Variants in COA1 observed in about 807,000 individuals in gnomAD.
The protein encoded by COA1 is cytochrome c oxidase assembly factor 1, also known as cytochrome c oxidase assembly factor 1 homolog.
A neutral mutation model predicts 16.0 loss-of-function variants in COA1; 13 were observed. The observed-to-expected ratio is 0.81, with a 90% confidence interval of 0.53 to 1.29. COA1 has a LOEUF of 1.29. COA1 is among the 50% of genes most tolerant of loss of function. The pLI is 0.00. For missense variants in COA1, 179 were observed against 177.0 expected, an observed-to-expected ratio of 1.01 and a Z score of -0.06; for synonymous variants, 65 against 65.7, an observed-to-expected ratio of 0.99 and a Z score of 0.05.
At chr7:43,692,229 C>T in intron 1 of COA1, among the ~76,000 whole-genome samples, 1 of 152,158 alleles carries the variant, frequency 6.6e-6, no homozygotes, top group African/African-American at 2.4e-5. Context: ...AAAAATCAAA[C>T]TTTCCTGGGC....
chr7:43,691,421 A>AGG (rs1554542662), intron 1 of COA1, among the ~76,000 whole-genome samples: 1 of 87,460 alleles, frequency 1.1e-5, no homozygotes, highest in African/African-American at 4.8e-5. Context: ...GGAAGAAAGA[A>AGG]AAAGAAAGAA....
intron 5 of COA1, among the ~76,000 whole-genome samples, 163 bp from the exon 6 acceptor site, chr7:43,639,844 C>T (rs1406166574): frequency 2.0e-5 from 3 of 152,180 alleles, no homozygotes; most frequent in African/African-American, 7.2e-5. Flanking sequence ...TAACATTCTA[C>T]CATGGGCTCT....
At chr7:43,644,743 T>C (rs548082896) in intron 4 of COA1, among the ~76,000 whole-genome samples, 10,927 of 123,200 alleles carry the variant, frequency 0.089, 979 homozygotes, top group Non-Finnish European at 0.13. Context: ...GATAGATAGA[T>C]AGATAGATAG....
chr7:43,612,844 A>T (rs558839007), intron 6 of COA1, among the ~76,000 whole-genome samples: 1 of 152,118 alleles, frequency 6.6e-6, no homozygotes, highest in African/African-American at 2.4e-5. Flanking sequence ...CAGATTTAGG[A>T]GTCTGTAAAA....
At chr7:43,722,596 T>C (rs983738730) in intron 1 of COA1, among the ~76,000 whole-genome samples, 2 of 151,686 alleles carry the variant, frequency 1.3e-5, no homozygotes, top group African/African-American at 4.8e-5. Flanking sequence ...AGAGACGGGG[T>C]TTCACCATGT....
intron 6 of COA1, chr7:43,622,568 GTT>G (rs1294658873): frequency 1.8e-5 from 2 of 111,236 alleles, no homozygotes; most frequent in Non-Finnish European, 4.8e-5. Flanking sequence ...AAAATCTTTA[GTT>G]AAGTGGATTG....
intron 1 of COA1, among the ~76,000 whole-genome samples, chr7:43,710,804 C>CA (rs2095220735): frequency 2.0e-5 from 3 of 152,088 alleles, no homozygotes; most frequent in Non-Finnish European, 4.4e-5. Context: ...AAGCCCTTTC[C>CA]AAAACACCAC....
chr7:43,700,433 A>G (rs1483599525), intron 1 of COA1, among the ~76,000 whole-genome samples: 1 of 151,888 alleles, frequency 6.6e-6, no homozygotes, highest in Non-Finnish European at 1.5e-5. Flanking sequence ...CTAGACCCAT[A>G]TTCTGACTCA....
chr7:43,689,198 A>C (rs2094168102), intron 1 of COA1, among the ~76,000 whole-genome samples: 1 of 152,262 alleles, frequency 6.6e-6, no homozygotes, highest in African/African-American at 2.4e-5. Flanking sequence ...ACAGAAACTC[A>C]GGAACAATAC....
At chr7:43,684,335 G>A (rs528273800) in intron 1 of COA1, among the ~76,000 whole-genome samples, 3 of 152,176 alleles carry the variant, frequency 2.0e-5, no homozygotes, top group Non-Finnish European at 4.4e-5. Context: ...GGGAGTGGGT[G>A]AATGGGATTG....
intron 1 of COA1, among the ~76,000 whole-genome samples, chr7:43,715,476 T>A (rs1390789844): frequency 3.4e-5 from 5 of 146,196 alleles, no homozygotes; most frequent in African/African-American, 1.0e-4. Context: ...AGACTCTATC[T>A]CAAAAAAAAA....
At chr7:43,614,340 C>CT (rs553197579) in intron 6 of COA1, among the ~76,000 whole-genome samples, 2 of 152,198 alleles carry the variant, frequency 1.3e-5, no homozygotes, top group South Asian at 4.1e-4. Context: ...CTTTCTCTCC[C>CT]TTACTACCTG....
At chr7:43,657,387 T>G (rs2091880440) in intron 1 of COA1, 1 of 152,258 alleles carries the variant, frequency 6.6e-6, no homozygotes, top group South Asian at 2.1e-4. Flanking sequence ...TTATCCCTAA[T>G]TTTGAAAATT....
chr7:43,676,011 T>C (rs1584842556), intron 1 of COA1, among the ~76,000 whole-genome samples: 1 of 152,190 alleles, frequency 6.6e-6, no homozygotes, highest in South Asian at 2.1e-4. Context: ...CTGCTTCTTA[T>C]TCTCACTTAT....
At chr7:43,652,174 C>T (rs988340112) in intron 1 of COA1, among the ~76,000 whole-genome samples, 8 of 152,168 alleles carry the variant, frequency 5.3e-5, no homozygotes, top group African/African-American at 1.9e-4. Context: ...ATTACAGGTA[C>T]CTGAAGCAGG....
In COA1 at chr7:43,639,587, C is replaced by A. The variant is rs138770666; in HGVS notation, c.436G>T (p.Glu146Ter). The change falls in exon 6 of 6, where the codon GAG (glutamate) becomes TAG (stop). Residue 146 changes from glutamate (E) to a stop codon, truncating the protein, a stop_gained. Coordinates refer to ENST00000223336, the MANE Select transcript of COA1 (RefSeq NM_018224.4). LOFTEE classifies it high-confidence loss of function. ...CTGGGTCTTCTGGGTCGTCTCTACT[C>A]CTTTTTCACTTCATCACCGTTTTCC... is the stretch of plus-strand genomic sequence containing the variant. Reference protein sequence around the residue: ...SGENGDEVKKE With the variant: ...SGENGDEVKK The A allele has an allele frequency of 3.7e-6, 6 of 1,613,514 alleles. No individual in the cohort carries two copies. Among genetic ancestry groups the A allele is most frequent in the Non-Finnish European group, 5.1e-6 (6 of 1,179,580 alleles).
intron 1 of COA1, among the ~76,000 whole-genome samples, chr7:43,676,908 G>A (rs1244476866): frequency 6.6e-6 from 1 of 151,840 alleles, no homozygotes; most frequent in Non-Finnish European, 1.5e-5. Context: ...TAAGAATTGT[G>A]TAAGAAAGCT....
downstream of COA1, among the ~76,000 whole-genome samples, chr7:43,637,448 C>CTCTT (rs1170186387): frequency 5.3e-5 from 8 of 152,206 alleles, no homozygotes; most frequent in Non-Finnish European, 1.0e-4. Flanking sequence ...GCTATCCTGT[C>CTCTT]TCTTTATGGG....
intron 1 of COA1, among the ~76,000 whole-genome samples, chr7:43,729,104 GC>G (rs1479357791): frequency 2.0e-5 from 3 of 152,236 alleles, no homozygotes; most frequent in Non-Finnish European, 4.4e-5. Context: ...CAACAAAAGT[GC>G]CCAGTCCCAA....
Sources: gnomAD v4.1 joint callset for allele counts (sites outside exome capture counted in the v4.1 genomes callset) on GRCh38, gnomAD v4.1.1 for gene constraint, MANE v1.5 for transcripts, NCBI Gene and HGNC (gene_info 2026-07-23, HGNC 2026-07-21) for gene names.